IGF2BP3: variants seen among roughly 807,000 people sequenced by gnomAD.
IGF2BP3 encodes the protein insulin like growth factor 2 mRNA binding protein 3.
In IGF2BP3, 9 loss-of-function variants were observed where a neutral mutation model predicts 73.8. That is an observed-to-expected ratio of 0.12 (90% confidence interval 0.07 to 0.21). IGF2BP3 has a LOEUF of 0.21. Among genes scored for constraint, IGF2BP3 ranks in the 10% least tolerant of loss-of-function variants. The pLI is 1.00. For missense variants in IGF2BP3, 542 were observed against 714.0 expected (o/e 0.76, Z 2.75); for synonymous variants, 258 against 256.7 (o/e 1.01, Z -0.05).
At chr7:23,434,089 A>AT (rs150531630) in intron 2 of IGF2BP3, among the ~76,000 whole-genome samples, 1 of 122,364 alleles carries the variant, frequency 8.2e-6, no homozygotes, top group Non-Finnish European at 1.9e-5. Flanking sequence ...AAAAATTAAA[A>AT]TTAAAAAAAA....
At chr7:23,434,014 G>T (rs1055957918) in intron 2 of IGF2BP3, among the ~76,000 whole-genome samples, 1 of 151,170 alleles carries the variant, frequency 6.6e-6, no homozygotes, top group Admixed American at 6.6e-5. Context: ...GAAGGCAGAG[G>T]TTACAGTGAG....
intron 5 of IGF2BP3, among the ~76,000 whole-genome samples, chr7:23,359,627 G>A (rs144866814): frequency 2.0e-5 from 3 of 151,946 alleles, no homozygotes; most frequent in African/African-American, 4.8e-5. Flanking sequence ...TGGGCAGATC[G>A]CTTGAGCCCA....
intron 3 of IGF2BP3, among the ~76,000 whole-genome samples, chr7:23,392,616 A>T (rs1029043857): frequency 1.3e-5 from 2 of 152,006 alleles, no homozygotes; most frequent in Admixed American, 1.3e-4. Flanking sequence ...TCTACAGTGA[A>T]CACAAACACT....
chr7:23,417,971 T>C (rs967347317), intron 3 of IGF2BP3, among the ~76,000 whole-genome samples: 1 of 152,198 alleles, frequency 6.6e-6, no homozygotes, highest in African/African-American at 2.4e-5. Context: ...CTGAGAAACC[T>C]TGGAGAATCA....
intron 2 of IGF2BP3, among the ~76,000 whole-genome samples, chr7:23,425,654 T>C (rs1562745762): frequency 6.6e-6 from 1 of 152,186 alleles, no homozygotes; most frequent in Non-Finnish European, 1.5e-5. Context: ...TTTGTTTATA[T>C]ATATAAGACA....
intron 4 of IGF2BP3, 37 bp downstream of exon 4, chr7:23,361,653 C>A: frequency 6.2e-7 from 1 of 1,613,464 alleles, no homozygotes. Context: ...TACTTCCTTC[C>A]TTTTACAAAT....
At position 23,469,870 on chromosome 7, in the gene IGF2BP3, C is replaced by T. The variant is rs1788673287; in HGVS notation, c.175+66G>A. The T allele has an allele frequency of 3.4e-6, 4 of 1,190,842 alleles. No homozygotes were observed. The highest frequency in any genetic ancestry group is 4.3e-6 in the Non-Finnish European group (4 of 930,154). The allele number at this position is 1,190,842 out of a possible 1,614,324, so 73.8% of individuals were successfully genotyped here. ...CGGGCCTGGGGCCCGCGGAGCCACCCGGTGGGCCTGGGCGGGCGGTGCAGG... is the reference window on the plus strand; with the variant it reads ...CGGGCCTGGGGCCCGCGGAGCCACCTGGTGGGCCTGGGCGGGCGGTGCAGG... On this transcript the variant is annotated intron_variant, in intron 1 of 14. Transcript: ENST00000258729. This position sits in a 1 kb window ranked among gnomAD's most constrained non-coding sequence, Gnocchi z 6.1.
chr7:23,469,825 C>T lies in IGF2BP3; in HGVS notation c.175+111G>A, dbSNP rs1170542628. The T allele has an allele frequency of 3.2e-6, 2 of 620,210 alleles. No individual in the cohort carries two copies. Among genetic ancestry groups the T allele is most frequent in the Non-Finnish European group, 4.6e-6 (2 of 434,714 alleles). The allele number at this position is 620,210 out of a possible 1,614,324, so 38.4% of individuals were successfully genotyped here. On this transcript the variant is annotated intron_variant, in intron 1 of 14. Transcript: ENST00000258729. This position sits in a 1 kb window ranked among gnomAD's most constrained non-coding sequence, Gnocchi z 6.1. The stretch of plus-strand genomic sequence containing the variant: ...CGTGGGTGTGGGCGCTCAGGCCTCA[C>T]CCCCGCTCCCCCAGCGCGCCGGGCC...
intron 2 of IGF2BP3, among the ~76,000 whole-genome samples, chr7:23,445,129 C>A (rs1329995779): frequency 6.6e-6 from 1 of 152,148 alleles, no homozygotes; most frequent in African/African-American, 2.4e-5. Context: ...AAAAAGCATA[C>A]ATTCACAGAT....
At chr7:23,389,219 G>A (rs986448577) in intron 3 of IGF2BP3, among the ~76,000 whole-genome samples, 1 of 150,902 alleles carries the variant, frequency 6.6e-6, no homozygotes, top group Admixed American at 6.6e-5. Context: ...GGAGTGCAGC[G>A]GCACTATCTC....
At chr7:23,460,761 C>A (rs988043943) in intron 2 of IGF2BP3, among the ~76,000 whole-genome samples, 3 of 152,050 alleles carry the variant, frequency 2.0e-5, no homozygotes, top group Non-Finnish European at 4.4e-5. Context: ...ACCATTCTGG[C>A]CAACATGGTG....
intron 9 of IGF2BP3, among the ~76,000 whole-genome samples, 170 bp downstream of exon 9, chr7:23,343,548 G>A (rs1784761156): frequency 6.6e-6 from 1 of 152,206 alleles, no homozygotes; most frequent in Admixed American, 6.5e-5. Context: ...AAAGCTTAAT[G>A]TCAAAGCCAG....
At chr7:23,444,935 G>A (rs924579122) in intron 2 of IGF2BP3, among the ~76,000 whole-genome samples, 1 of 152,006 alleles carries the variant, frequency 6.6e-6, no homozygotes, top group African/African-American at 2.4e-5. Context: ...TTAATCAGGT[G>A]TGGTCTCAGC....
chr7:23,313,308 C>T (rs1005762038), intron 13 of IGF2BP3, among the ~76,000 whole-genome samples: 1 of 152,154 alleles, frequency 6.6e-6, no homozygotes, highest in Non-Finnish European at 1.5e-5. Context: ...ATAGGACAAT[C>T]CTCTCACACA....
At chr7:23,374,978 A>G (rs992804417) in intron 3 of IGF2BP3, among the ~76,000 whole-genome samples, 2 of 152,114 alleles carry the variant, frequency 1.3e-5, no homozygotes, top group Admixed American at 1.3e-4. Flanking sequence ...TTCCCGCAAC[A>G]ATTTTATATT....
intron 2 of IGF2BP3, among the ~76,000 whole-genome samples, chr7:23,426,487 G>C (rs2128539673): frequency 6.6e-6 from 1 of 152,200 alleles, no homozygotes; most frequent in Non-Finnish European, 1.5e-5. Flanking sequence ...ATTCAGATAA[G>C]ATCCATATGT....
At chr7:23,444,875 T>C (rs547355067) in intron 2 of IGF2BP3, among the ~76,000 whole-genome samples, 71 of 152,276 alleles carry the variant, frequency 4.7e-4, no homozygotes, top group African/African-American at 1.7e-3. Context: ...GGTGACCAGT[T>C]TGAGCAACAT....
At chr7:23,395,175 A>G (rs1169231087) in intron 3 of IGF2BP3, among the ~76,000 whole-genome samples, 1 of 152,196 alleles carries the variant, frequency 6.6e-6, no homozygotes, top group African/African-American at 2.4e-5. Flanking sequence ...GGTTTTCCTT[A>G]AAGTTTTTTT....
chr7:23,437,656 A>G (rs899757788), intron 2 of IGF2BP3, among the ~76,000 whole-genome samples: 6 of 152,214 alleles, frequency 3.9e-5, no homozygotes. Flanking sequence ...CTAGCCAGCA[A>G]AACAAAGTCA....
Sources: allele counts gnomAD v4.1 joint callset (sites outside exome capture counted in the v4.1 genomes callset), GRCh38; gene constraint gnomAD v4.1.1; non-coding constraint Gnocchi (gnomAD v3.1); transcripts MANE v1.5; gene names NCBI Gene and HGNC (gene_info 2026-07-23, HGNC 2026-07-21).